Variants in PCNX3 observed in about 807,000 individuals in gnomAD.
The protein encoded by PCNX3 is pecanex 3.
PCNX3 carries 58 observed loss-of-function variants against 207.2 expected under a neutral mutation model. The observed-to-expected ratio is 0.28, with a 90% CI of 0.23 to 0.35. The LOEUF (loss-of-function observed/expected upper bound fraction) is 0.35. Ranked by LOEUF, PCNX3 falls within the 10% of genes least tolerant of loss-of-function variation. The probability of loss-of-function intolerance (pLI) is 1.00; values close to 1 mark genes in which losing one functional copy is unlikely to be tolerated. For synonymous variants in PCNX3, 1,337 were observed against 1,183.5 expected (o/e 1.13, Z -2.66); for missense variants, 2,410 against 2,774.4 (o/e 0.87, Z 2.95).
In PCNX3 at chr11:65,626,042, T is replaced by C; in HGVS notation, c.3367T>C (p.Tyr1123His). 3.1e-6 allele frequency: 5 copies of C among 1,607,770 alleles called. No individual in the cohort carries two copies. Among genetic ancestry groups the C allele is most frequent in the African/African-American group, 1.3e-5 (1 of 74,960 alleles). ...PVLKPLEYSQ[Y>H]EVRGAAQVMW... The stretch of plus-strand genomic sequence containing the variant: ...GCTGAAGCCGCTGGAGTACAGCCAG[T>C]ATGAAGTGCGCGGTGAGTGCCCACC... The change falls in exon 20 of 35, where the codon TAT (tyrosine) becomes CAT (histidine). Residue 1123 changes from tyrosine (Y) to histidine (H), a missense_variant. Coordinates refer to ENST00000355703, the MANE Select transcript of PCNX3 (RefSeq NM_032223.4).
At chr11:65,617,371 C>T in intron 3 of PCNX3, 22 bp downstream of exon 3, 2 of 1,613,232 alleles carry the variant, frequency 1.2e-6, no homozygotes, top group South Asian at 2.2e-5. Context: ...TGGACCTCAG[C>T]TTGTCCTCCT....
rs1164916758 is a variant in PCNX3, at chr11:65,617,482, C to G, written c.454C>G (p.Arg152Gly). The G allele has an allele frequency of 6.2e-7, 1 of 1,613,876 alleles. No homozygotes were observed. Among genetic ancestry groups the G allele is most frequent in the Non-Finnish European group, 8.5e-7 (1 of 1,179,860 alleles). ...GFNQVSELLP[R>G]MEDSGPLRDI... ...TCTGTCTACTCAGGAGCTGCTGCCC[C>G]GAATGGAGGACTCTGGGCCCCTTAG... is the stretch of plus-strand genomic sequence containing the variant. Residue 152 changes from arginine (R) to glycine (G), a missense_variant, in exon 4 of 35, where the codon CGA becomes GGA. By Grantham distance (125) the Arg-to-Gly change is moderately radical. Around this residue, in one of 8 missense-constraint regions of PCNX3, gnomAD observed 1,104 missense variants for 970.3 expected, o/e 1.14. Transcript: ENST00000355703.
chr11:65,626,354 C>T (rs1290544747), intron 20 of PCNX3: 2 of 585,648 alleles, frequency 3.4e-6, no homozygotes, highest in Non-Finnish European at 6.4e-6. Context: ...ATCTCTTGTC[C>T]AGAATTAAAC....
chr11:65,629,385 C>A lies in PCNX3; in HGVS notation c.3970C>A (p.Arg1324Ser). The stretch of plus-strand genomic sequence containing the variant: ...TAAACGTGTGGATCATTCCAACACC[C>A]GCCTGGTCACACAGCTGGACAGGAA... Reference protein sequence around the residue: ...NTKRVDHSNTRLVTQLDRNPG... With the variant: ...NTKRVDHSNTSLVTQLDRNPG... Residue 1324 changes from arginine (R) to serine (S), a missense_variant, in exon 25 of 35, where the codon CGC becomes AGC. Around this residue, in one of 8 missense-constraint regions of PCNX3, gnomAD observed 420 missense variants for 705.3 expected, o/e 0.60. Transcript: ENST00000355703. 2 of 1,611,798 alleles carry A rather than the reference C, an allele frequency of 1.2e-6. No homozygotes were observed. Among genetic ancestry groups the A allele is most frequent in the Non-Finnish European group, 1.7e-6 (2 of 1,178,954 alleles).
Position 65,635,636 on chromosome 11 carries a change from G to A in PCNX3, c.5292G>A (p.Ala1764=), listed in dbSNP as rs769052254. The A allele has an allele frequency of 7.1e-5, 114 of 1,612,762 alleles. No individual in the cohort carries two copies. In the Middle Eastern group the frequency reaches 1.3e-3, roughly 19 times the overall value. Residue 1764 remains alanine (A), a synonymous_variant, in exon 32 of 35, where the codon GCG becomes GCA. Transcript: ENST00000355703. The surrounding 1 kb of genome is among the most constrained non-coding windows in gnomAD (Gnocchi z 9.9). Reference sequence around the variant, plus strand: ...GCAGCATCCAGAACGCCAAGCAGGCGCTTCGCAACATGATCAACTCCTCCT... The same window carrying A: ...GCAGCATCCAGAACGCCAAGCAGGCACTTCGCAACATGATCAACTCCTCCT... ...ERGSIQNAKQ[A]LRNMINSSCD...
chr11:65,617,858 C>A, intron 5 of PCNX3, 82 bp from the exon 6 acceptor site: 2 of 1,473,464 alleles, frequency 1.4e-6, no homozygotes, highest in Non-Finnish European at 1.8e-6. Flanking sequence ...AGGGAAAGTA[C>A]AGGGCATAAG....
At chr11:65,626,769 G>A in intron 20 of PCNX3, 135 bp from the exon 21 acceptor site, 1 of 1,318,536 alleles carries the variant, frequency 7.6e-7, no homozygotes. Context: ...TCCCATTTGA[G>A]CTGCCACAGA....
chr11:65,620,492 C>T lies in PCNX3; in HGVS notation c.2099+63C>T, dbSNP rs1417363182. ...GGTGGCCTGCATCTCTGGGAAGTTC[C>T]CTGAGCCTGGAGTTTGCTCTCTTCC... On this transcript the variant is annotated intron_variant, in intron 9 of 34. Coordinates refer to ENST00000355703, the MANE Select transcript of PCNX3 (RefSeq NM_032223.4). The T allele has an allele frequency of 7.7e-6, 12 of 1,555,712 alleles. No individual in the cohort carries two copies. In the East Asian group the frequency reaches 1.8e-4, roughly 24 times the overall value.
Position 65,619,011 on chromosome 11 carries a change from C to G in PCNX3, c.1649C>G (p.Ala550Gly), listed in dbSNP as rs1438055367. ...VLPAEARRGP[A>G]ANQPGWRGEL... The stretch of plus-strand genomic sequence containing the variant: ...CCTGCTGAGGCGCGAAGGGGACCCG[C>G]TGCCAACCAGCCCGGCTGGCGGGGG... Residue 550 changes from alanine (A) to glycine (G), a missense_variant, in exon 6 of 35, where the codon GCT (alanine) becomes GGT (glycine). Ala to Gly is a moderately conservative substitution (Grantham distance 60, BLOSUM62 0). Coordinates refer to ENST00000355703, the MANE Select transcript of PCNX3 (RefSeq NM_032223.4). 6.3e-7 allele frequency: 1 copy of G among 1,596,864 alleles called. No individual in the cohort carries two copies. Among genetic ancestry groups the G allele is most frequent in the South Asian group, 1.1e-5 (1 of 90,300 alleles).
rs1854908099 is a variant in PCNX3, at chr11:65,618,837, C to G, written c.1475C>G (p.Pro492Arg). 6.2e-7 allele frequency: 1 copy of G among 1,611,258 alleles called. No individual in the cohort carries two copies. The highest frequency in any genetic ancestry group is 8.5e-7 in the Non-Finnish European group (1 of 1,179,272). ...PKRPYGTQRT[P>R]STASAKTHAR... is the part of the protein sequence containing the mutation. ...CGGCCATATGGGACCCAGCGGACGC[C>G]TAGTACCGCCAGCGCTAAAACACAT... The change falls in exon 6 of 35, where the codon CCT becomes CGT. Residue 492 changes from proline (P) to arginine (R), a missense_variant. Coordinates refer to ENST00000355703, the MANE Select transcript of PCNX3 (RefSeq NM_032223.4).
intron 8 of PCNX3, 47 bp downstream of exon 8, chr11:65,619,979 C>G: frequency 1.3e-6 from 2 of 1,540,476 alleles, no homozygotes; most frequent in Non-Finnish European, 1.8e-6. Flanking sequence ...CCGCCTTCCC[C>G]CAACAGCCTG....
chr11:65,629,266 C>T lies in PCNX3; in HGVS notation c.3942-91C>T, dbSNP rs561074680. 1.0e-4 allele frequency: 137 copies of T among 1,354,258 alleles called. 1 individual carries two copies. The East Asian group carries it at 3.2e-3, about 32-fold the overall frequency. The allele number at this position is 1,354,258 out of a possible 1,614,324, so 83.9% of individuals were successfully genotyped here. On this transcript the variant is annotated intron_variant, in intron 24 of 34. Transcript: ENST00000355703. ...TGCATAACGGGGCTGTCCTGGATGGCGTTGACCTTGTGGCACAGGGAGAGC... is the reference window on the plus strand; with the variant it reads ...TGCATAACGGGGCTGTCCTGGATGGTGTTGACCTTGTGGCACAGGGAGAGC...
rs770440462 is a variant in PCNX3 at position 65,624,535 on chromosome 11, C to T, written c.2781C>T (p.Leu927=). The T allele has an allele frequency of 1.2e-6, 2 of 1,609,262 alleles. No homozygotes were observed. Among genetic ancestry groups the T allele is most frequent in the Admixed American group, 3.4e-5 (2 of 59,486 alleles). Residue 927 remains leucine (L), a synonymous_variant, in exon 15 of 35, where the codon CTC becomes CTT. Coordinates refer to ENST00000355703, the MANE Select transcript of PCNX3 (RefSeq NM_032223.4). The stretch of plus-strand genomic sequence containing the variant: ...TCCTGCCCCAGGTCAACACCTGCCT[C>T]ATGTACCTGCTGGAGCAAATAGATA... ...LGLLPQVNTC[L]MYLLEQIDMH...
chr11:65,635,660 C>T lies in PCNX3; in HGVS notation c.5316C>T (p.Ser1772=), dbSNP rs757058274. ...CGCTTCGCAACATGATCAACTCCTC[C>T]TGTGACCAGCCGCTGGGCTACCCCA... ...KQALRNMINS[S]CDQPLGYPIY... is the part of the protein sequence containing the mutation. The change falls in exon 32 of 35, where the codon TCC becomes TCT. Residue 1772 remains serine (S), a synonymous_variant. Transcript: ENST00000355703. This position sits in a 1 kb window ranked among gnomAD's most constrained non-coding sequence, Gnocchi z 9.9. 1.1e-5 allele frequency: 18 copies of T among 1,612,470 alleles called. No homozygotes were observed. The highest frequency in any genetic ancestry group is 1.4e-5 in the Non-Finnish European group (17 of 1,179,662).
Position 65,617,474 on chromosome 11 carries a change from T to C in PCNX3, c.446T>C (p.Leu149Pro), listed in dbSNP as rs1854805475. 1.2e-6 allele frequency: 2 copies of C among 1,613,852 alleles called. No homozygotes were observed. Among genetic ancestry groups the C allele is most frequent in the Admixed American group, 1.7e-5 (1 of 59,992 alleles). ...CATGGCTCTCTGTCTACTCAGGAGC[T>C]GCTGCCCCGAATGGAGGACTCTGGG... is the stretch of plus-strand genomic sequence containing the variant. ...SVFGFNQVSELLPRMEDSGPL... is the reference protein window; with the variant it reads ...SVFGFNQVSEPLPRMEDSGPL... The change falls in exon 4 of 35, where the codon CTG becomes CCG. Residue 149 changes from leucine to proline, a missense_variant. Physicochemically the swap from Leu to Pro is moderately conservative, Grantham distance 98 (BLOSUM62 -3). This residue lies in a region of PCNX3 where 1,104 missense variants were observed against 970.3 expected (regional missense o/e 1.14). Transcript: ENST00000355703.
At chr11:65,623,802 TCAGGA>T (rs1855235899) in intron 12 of PCNX3, 122 bp from the exon 13 acceptor site, 1 of 1,535,104 alleles carries the variant, frequency 6.5e-7, no homozygotes, top group Admixed American at 1.7e-5. Flanking sequence ...AAACTGAGGC[TCAGGA>T]CAGTTCGGGG....
Position 65,627,600 on chromosome 11 carries a change from G to A in PCNX3, c.3702+18G>A, listed in dbSNP as rs375225945. On this transcript the variant is annotated intron_variant, in intron 22 of 34. Transcript: ENST00000355703. ...GCAGCAAGGTGAGTTGGTGGCTGTG[G>A]CCCAGACCCCAGGCTGTCCAATGGG... The A allele has an allele frequency of 3.1e-6, 5 of 1,612,600 alleles. No homozygotes were observed. Among genetic ancestry groups the A allele is most frequent in the Non-Finnish European group, 4.2e-6 (5 of 1,179,098 alleles).
chr11:65,623,014 A>C (rs1151490), intron 11 of PCNX3, among the ~76,000 whole-genome samples: 91,309 of 151,976 alleles, frequency 0.6, 28,148 homozygotes, highest in African/African-American at 0.71. Flanking sequence ...GAGGGGACAC[A>C]GAGTCCCAGA....
At chr11:65,623,334 G>T (rs780496396) in intron 11 of PCNX3, among the ~76,000 whole-genome samples, 157 bp from the exon 12 acceptor site, 1 of 152,244 alleles carries the variant, frequency 6.6e-6, no homozygotes, top group Admixed American at 6.5e-5. Flanking sequence ...GCCGGGCCGC[G>T]TCGTCGCAAA....
Sources: gnomAD v4.1 joint callset for allele counts (sites outside exome capture counted in the v4.1 genomes callset) on GRCh38, gnomAD v4.1.1 for gene constraint, gnomAD v4.1.1 regional missense constraint, Gnocchi (gnomAD v3.1) non-coding constraint, MANE v1.5 for transcripts, NCBI Gene and HGNC (gene_info 2026-07-23, HGNC 2026-07-21) for gene names.